Variants in GPHN observed in about 807,000 individuals in gnomAD.
GPHN encodes gephyrin.
GPHN carries 17 observed loss-of-function variants against 95.5 expected under a neutral mutation model. That is an observed-to-expected ratio of 0.18 (90% CI 0.12 to 0.27). The LOEUF (loss-of-function observed/expected upper bound fraction) is 0.27, where lower values mean the gene tolerates loss of function less well. Among genes scored for constraint, GPHN ranks in the 10% least tolerant of loss-of-function variants. GPHN has a pLI of 1.00. For synonymous variants in GPHN, 320 were observed against 322.5 expected, an observed-to-expected ratio of 0.99 and a Z score of 0.08; for missense variants, 660 against 978.1, an observed-to-expected ratio of 0.67 and a Z score of 4.34.
chr14:67,087,408 G>C (rs988435735), intron 11 of GPHN, among the ~76,000 whole-genome samples: 1 of 152,012 alleles, frequency 6.6e-6, no homozygotes, highest in African/African-American at 2.4e-5. Flanking sequence ...GGACTATATA[G>C]CTTCAGGTTC....
chr14:67,126,126 A>AATATATATATATATTAAAAT (rs2079300148), intron 17 of GPHN, among the ~76,000 whole-genome samples: 1 of 152,156 alleles, frequency 6.6e-6, no homozygotes, highest in African/African-American at 2.4e-5. Flanking sequence ...TTCATTTGTA[A>AATATATATATATATTAAAAT]ACATTATATA....
the GPHN span, among the ~76,000 whole-genome samples, chr14:67,375,726 C>T: frequency 3.3e-5 from 5 of 152,110 alleles, no homozygotes; most frequent in African/African-American, 1.2e-4. Flanking sequence ...ACTCTAGGAC[C>T]TTACCACTTA....
chr14:67,677,518 G>A, the GPHN span: 1 of 151,674 alleles, frequency 6.6e-6, no homozygotes, highest in Non-Finnish European at 1.5e-5. Flanking sequence ...TAAAGGGCTA[G>A]TTAATCCTTA....
chr14:67,445,925 A>G, the GPHN span: 1 of 450,476 alleles, frequency 2.2e-6, no homozygotes, highest in Non-Finnish European at 4.4e-6. Context: ...TGTACTTCAC[A>G]GTTTGCTTGT....
chr14:67,291,785 G>C, the GPHN span, among the ~76,000 whole-genome samples: 1 of 152,068 alleles, frequency 6.6e-6, no homozygotes, highest in Non-Finnish European at 1.5e-5. Context: ...TTCCTTACTA[G>C]TCAAATAAAT....
chr14:67,525,762 T>C, the GPHN span, among the ~76,000 whole-genome samples: 1 of 152,236 alleles, frequency 6.6e-6, no homozygotes, highest in African/African-American at 2.4e-5. Context: ...TGGATTTATT[T>C]CAACATTAAC....
At chr14:67,323,717 C>T in the GPHN span, 45 of 1,576,804 alleles carry the variant, frequency 2.9e-5, no homozygotes, top group Admixed American at 7.5e-5. Flanking sequence ...GAAGACTCTC[C>T]GGAATTCAGA....
chr14:66,883,542 G>T (rs962575052), intron 5 of GPHN, among the ~76,000 whole-genome samples: 1 of 151,984 alleles, frequency 6.6e-6, no homozygotes, highest in African/African-American at 2.4e-5. Context: ...ATGAGAACTG[G>T]TCAAATTTTC....
chr14:66,680,412 T>G (rs1035161509), intron 1 of GPHN, among the ~76,000 whole-genome samples: 1 of 152,234 alleles, frequency 6.6e-6, no homozygotes, highest in Non-Finnish European at 1.5e-5. Flanking sequence ...GGGATTATTA[T>G]TTGCCCCATG....
intron 19 of GPHN, among the ~76,000 whole-genome samples, chr14:67,160,815 G>A (rs958969799): frequency 6.6e-6 from 1 of 152,198 alleles, no homozygotes; most frequent in Non-Finnish European, 1.5e-5. Flanking sequence ...AGTACCTCAT[G>A]TCAGTTCTAG....
At chr14:66,937,494 C>A (rs1567125065) in intron 8 of GPHN, among the ~76,000 whole-genome samples, 1 of 151,992 alleles carries the variant, frequency 6.6e-6, no homozygotes, top group Non-Finnish European at 1.5e-5. Context: ...GATTCCTCTG[C>A]CTCAGCCTCC....
At chr14:67,227,475 C>T in the GPHN span, 1 of 150,394 alleles carries the variant, frequency 6.6e-6, no homozygotes, top group African/African-American at 2.4e-5. Flanking sequence ...GAAAAATTTG[C>T]TCCCAAATCC....
At chr14:67,667,157 C>T in the GPHN span, among the ~76,000 whole-genome samples, 1 of 152,206 alleles carries the variant, frequency 6.6e-6, no homozygotes, top group African/African-American at 2.4e-5. Flanking sequence ...TGGAAACAGA[C>T]AGCTCTGAAA....
At chr14:67,723,792 C>G in the GPHN span, among the ~76,000 whole-genome samples, 1 of 152,208 alleles carries the variant, frequency 6.6e-6, no homozygotes, top group Non-Finnish European at 1.5e-5. Flanking sequence ...TAGTTCTGCC[C>G]CTCCGTATTC....
intron 10 of GPHN, among the ~76,000 whole-genome samples, chr14:67,048,083 G>A (rs934839525): frequency 5.9e-5 from 9 of 152,152 alleles, no homozygotes; most frequent in African/African-American, 2.2e-4. Context: ...ACAAAAAAAG[G>A]TTACTGATAG....
chr14:67,531,181 T>C, the GPHN span, among the ~76,000 whole-genome samples: 1 of 152,144 alleles, frequency 6.6e-6, no homozygotes, highest in Non-Finnish European at 1.5e-5. Flanking sequence ...CCTGGGAGGC[T>C]GAGGCAGAAG....
intron 17 of GPHN, among the ~76,000 whole-genome samples, chr14:67,131,157 G>A (rs896439313): frequency 6.6e-6 from 1 of 151,922 alleles, no homozygotes; most frequent in African/African-American, 2.4e-5. Flanking sequence ...CCAGAACTTA[G>A]TAAGATATTG....
At chr14:67,647,311 CT>C in the GPHN span, 1 of 289,352 alleles carries the variant, frequency 3.5e-6, no homozygotes, top group Non-Finnish European at 6.4e-6. Flanking sequence ...ATTGTTTCAA[CT>C]GTCCCATTCT....
intron 2 of GPHN, among the ~76,000 whole-genome samples, chr14:66,707,445 A>G (rs1037540847): frequency 6.6e-6 from 1 of 152,222 alleles, no homozygotes; most frequent in Non-Finnish European, 1.5e-5. Context: ...TGGATAAAGA[A>G]AATGTGGTAC....
Sources: gnomAD v4.1 joint callset for allele counts (sites outside exome capture counted in the v4.1 genomes callset) on GRCh38, gnomAD v4.1.1 for gene constraint, MANE v1.5 for transcripts, NCBI Gene and HGNC (gene_info 2026-07-23, HGNC 2026-07-21) for gene names.